The following TMEM181 variants were observed in gnomAD, a reference collection of about 807,000 sequenced individuals.
TMEM181 encodes the protein transmembrane protein 181.
In TMEM181, 39 loss-of-function variants were observed where a neutral mutation model predicts 71.9. The ratio of observed to expected loss-of-function variants is 0.54; its 90% confidence interval spans 0.42 to 0.71. TMEM181 has a LOEUF of 0.71. Among genes scored for constraint, TMEM181 ranks in the 30% least tolerant of loss-of-function variants. TMEM181 has a pLI of 0.00. For missense variants in TMEM181, 595 were observed against 583.0 expected (o/e 1.02, Z -0.21); for synonymous variants, 245 against 228.8 (o/e 1.07, Z -0.64).
At chr6:158,629,088 C>G (rs375979952) in intron 14 of TMEM181, among the ~76,000 whole-genome samples, 2 of 152,206 alleles carry the variant, frequency 1.3e-5, no homozygotes, top group Non-Finnish European at 2.9e-5. Flanking sequence ...TGTTGCCTCC[C>G]GGGAGCCCTG....
At chr6:158,573,281 T>C (rs992627887) in intron 1 of TMEM181, 139 bp from the exon 2 acceptor site, 10 of 636,280 alleles carry the variant, frequency 1.6e-5, no homozygotes, top group Non-Finnish European at 2.5e-5. Flanking sequence ...CTGGTGGCAG[T>C]GCAGGCCCAC....
intron 6 of TMEM181, among the ~76,000 whole-genome samples, chr6:158,592,340 A>T (rs1043697667): frequency 1.3e-5 from 2 of 152,170 alleles, no homozygotes; most frequent in Admixed American, 1.3e-4. Flanking sequence ...GTCTTTTTTC[A>T]ACCAATCAAT....
intron 1 of TMEM181, among the ~76,000 whole-genome samples, chr6:158,571,506 G>A (rs1554303836): frequency 2.3e-5 from 2 of 87,196 alleles, no homozygotes; most frequent in Non-Finnish European, 5.5e-5. Flanking sequence ...CATCGTGTTG[G>A]CCAGGATGGT....
chr6:158,587,417 T>C (rs1476769644), intron 5 of TMEM181, among the ~76,000 whole-genome samples: 1 of 152,238 alleles, frequency 6.6e-6, no homozygotes, highest in Non-Finnish European at 1.5e-5. Context: ...CGCAGGTCTC[T>C]AACCCTGCAA....
intron 5 of TMEM181, 146 bp downstream of exon 5, chr6:158,585,571 G>A: frequency 9.0e-7 from 1 of 1,106,862 alleles, no homozygotes; most frequent in Non-Finnish European, 1.2e-6. Flanking sequence ...TACCAAAGAT[G>A]GCATGAAAAA....
At chr6:158,547,214 C>T (rs186006182) in intron 1 of TMEM181, among the ~76,000 whole-genome samples, 113 of 151,956 alleles carry the variant, frequency 7.4e-4, no homozygotes, top group African/African-American at 2.5e-3. Flanking sequence ...CCTGGGAACT[C>T]GAGGCTGCAG....
intron 2 of TMEM181, among the ~76,000 whole-genome samples, chr6:158,574,753 CCTGTCTATCCTGTCTGT>C (rs997047490): frequency 7.9e-5 from 12 of 152,148 alleles, no homozygotes; most frequent in African/African-American, 2.2e-4. Flanking sequence ...TGCCTGCCTG[CCTGTCTATCCTGTCTGT>C]CTGTCTGTCC....
chr6:158,626,320 T>C, intron 13 of TMEM181: 1 of 451,862 alleles, frequency 2.2e-6, no homozygotes. Context: ...TCTGGGAAGT[T>C]GTTTATTTGA....
chr6:158,571,317 C>T (rs563301914), intron 1 of TMEM181, among the ~76,000 whole-genome samples: 24 of 149,540 alleles, frequency 1.6e-4, no homozygotes, highest in East Asian at 6.0e-4. Flanking sequence ...AGGATGGTCT[C>T]GATCTCCTGA....
chr6:158,574,640 A>G lies in TMEM181; in HGVS notation c.112+1117A>G, dbSNP rs147305636. On this transcript the variant is annotated intron_variant, in intron 2 of 16. Coordinates refer to ENST00000684151, the MANE Select transcript of TMEM181 (RefSeq NM_001376852.1). ...GTGCACCAAGGCTGAGATACAAGTG[A>G]TGTTCAGGATTTCTACATCCCCTTC... Among the ~76,000 whole-genome samples the G allele has an allele frequency of 6.1e-3, 927 of 152,330 alleles. 4 individuals carry two copies. Among genetic ancestry groups the G allele is most frequent in the Non-Finnish European group, 9.7e-3 (660 of 68,046 alleles).
chr6:158,577,588 CAAG>C (rs1410955177), intron 2 of TMEM181, among the ~76,000 whole-genome samples: 1 of 152,104 alleles, frequency 6.6e-6, no homozygotes, highest in Non-Finnish European at 1.5e-5. Flanking sequence ...TATAAACATC[CAAG>C]AAGCTCAACA....
chr6:158,548,858 G>A (rs1225222882), intron 1 of TMEM181, among the ~76,000 whole-genome samples: 3 of 152,206 alleles, frequency 2.0e-5, no homozygotes, highest in Admixed American at 1.3e-4. Context: ...CGGTTTGATA[G>A]CTTGGGACTG....
chr6:158,603,729 A>C (rs185285956), intron 6 of TMEM181, among the ~76,000 whole-genome samples: 56 of 150,072 alleles, frequency 3.7e-4, no homozygotes, highest in African/African-American at 1.3e-3. Context: ...TAGCTGCTTT[A>C]TTTCCTTATC....
At position 158,583,939 on chromosome 6, in the gene TMEM181, T is replaced by C. The variant is rs757350221; in HGVS notation, c.169-15T>C. The stretch of plus-strand genomic sequence containing the variant: ...TGAAAAGGTCACATGGATTACTTTG[T>C]TTTTTTTTCTTCAGCTAAAGCCAAT... On this transcript the variant is annotated splice_polypyrimidine_tract_variant and intron_variant, in intron 3 of 16. Transcript: ENST00000684151. 4.4e-6 allele frequency: 7 copies of C among 1,573,464 alleles called. No individual in the cohort carries two copies. The highest frequency in any genetic ancestry group is 6.1e-6 in the Non-Finnish European group (7 of 1,156,532).
At chr6:158,610,727 G>T in intron 10 of TMEM181, 1 of 297,114 alleles carries the variant, frequency 3.4e-6, no homozygotes, top group South Asian at 5.8e-5. Context: ...GTTGGGGGAA[G>T]AATCACTCAG....
chr6:158,550,883 C>CT (rs1781698815), intron 1 of TMEM181, among the ~76,000 whole-genome samples: 3 of 108,942 alleles, frequency 2.8e-5, no homozygotes, highest in Non-Finnish European at 5.4e-5. Flanking sequence ...GAGTGAGACT[C>CT]TGTCTCAGGA....
chr6:158,603,036 T>G (rs1264149313), intron 6 of TMEM181, among the ~76,000 whole-genome samples: 1 of 152,234 alleles, frequency 6.6e-6, no homozygotes, highest in Non-Finnish European at 1.5e-5. Flanking sequence ...TCTCTCACGG[T>G]GCTTCTTGTA....
chr6:158,546,713 C>T (rs1781536275), intron 1 of TMEM181, among the ~76,000 whole-genome samples: 1 of 152,272 alleles, frequency 6.6e-6, no homozygotes, highest in South Asian at 2.1e-4. Context: ...AATCCCAGCA[C>T]TTTGGGAGGC....
intron 1 of TMEM181, among the ~76,000 whole-genome samples, chr6:158,545,780 T>C (rs1335182423): frequency 6.6e-6 from 1 of 152,004 alleles, no homozygotes; most frequent in African/African-American, 2.4e-5. Context: ...AGTCTCGAAC[T>C]TCTGGGCTCA....
Sources: allele counts gnomAD v4.1 joint callset (sites outside exome capture counted in the v4.1 genomes callset), GRCh38; gene constraint gnomAD v4.1.1; transcripts MANE v1.5; gene names NCBI Gene and HGNC (gene_info 2026-07-23, HGNC 2026-07-21).